The following DPP10 variants were observed in gnomAD, a reference collection of about 807,000 sequenced individuals.
The protein encoded by DPP10 is dipeptidyl peptidase like 10, also known as inactive dipeptidyl peptidase 10.
DPP10 carries 33 observed loss-of-function variants against 120.9 expected under a neutral mutation model. The ratio of observed to expected loss-of-function variants is 0.27; its 90% CI spans 0.21 to 0.37. The LOEUF is 0.37. Among genes scored for constraint, DPP10 ranks in the 10% least tolerant of loss-of-function variants. DPP10 has a pLI of 1.00. For synonymous variants in DPP10, 337 were observed against 326.1 expected (o/e 1.03, Z -0.36); for missense variants, 816 against 942.8 (o/e 0.87, Z 1.76).
chr2:114,858,139 G>A (rs1156412477), intron 1 of DPP10, among the ~76,000 whole-genome samples: 1 of 151,970 alleles, frequency 6.6e-6, no homozygotes, highest in Admixed American at 6.6e-5. Flanking sequence ...ACAGATGCAC[G>A]CCGCCACACT....
intron 1 of DPP10, among the ~76,000 whole-genome samples, chr2:115,078,126 G>A (rs1464127264): frequency 6.6e-6 from 1 of 152,052 alleles, no homozygotes; most frequent in African/African-American, 2.4e-5. Flanking sequence ...CATAAGCATG[G>A]CACGCTAATG....
At position 114,497,050 on chromosome 2, in the gene DPP10, CACAT is replaced by C. The variant is rs1174861256; in HGVS notation, c.60+54218_60+54221del. The stretch of plus-strand genomic sequence containing the variant: ...GTGTATATATACATATATATGCATA[CACAT>C]ACATATATACATACACATATACATA... On this transcript the variant is annotated intron_variant, in intron 1 of 25. Coordinates refer to ENST00000410059, the MANE Select transcript of DPP10 (RefSeq NM_020868.6). 5.3e-5 allele frequency among the ~76,000 whole-genome samples: 8 copies of C among 150,196 alleles called. No individual in the cohort carries two copies. The East Asian group carries it at 1.2e-3, about 22-fold the overall frequency.
chr2:115,626,039 A>T (rs1469898224), intron 5 of DPP10, among the ~76,000 whole-genome samples: 2 of 145,522 alleles, frequency 1.4e-5, no homozygotes, highest in Non-Finnish European at 3.0e-5. Context: ...GGCCAAAAAG[A>T]AAAAAAAAAA....
chr2:115,788,888 G>A (rs1249732424), intron 17 of DPP10, among the ~76,000 whole-genome samples: 7 of 152,076 alleles, frequency 4.6e-5, no homozygotes, highest in East Asian at 1.9e-4. Context: ...AGGCCGAGGC[G>A]GGTGGAGATC....
intron 5 of DPP10, among the ~76,000 whole-genome samples, chr2:115,593,749 A>G (rs891358390): frequency 7.2e-5 from 11 of 152,180 alleles, no homozygotes; most frequent in African/African-American, 2.4e-4. Flanking sequence ...CCCATTTTTT[A>G]CCAAAGACAA....
chr2:114,469,433 A>G (rs1679714393), intron 1 of DPP10, among the ~76,000 whole-genome samples: 1 of 152,100 alleles, frequency 6.6e-6, no homozygotes, highest in Non-Finnish European at 1.5e-5. Flanking sequence ...TTTTTAAAAA[A>G]TATATATATA....
chr2:115,777,949 C>A, intron 15 of DPP10, 115 bp downstream of exon 15: 1 of 1,009,478 alleles, frequency 9.9e-7, no homozygotes, highest in South Asian at 1.6e-5. Context: ...CTAGGAAGAG[C>A]CAACTTTGCT....
rs118062712 is a variant in DPP10, at chr2:115,213,027, C to T, written c.61-96212C>T. Among the ~76,000 whole-genome samples the T allele has an allele frequency of 7.2e-5, 11 of 152,178 alleles. No homozygotes were observed. In the East Asian group the frequency reaches 1.5e-3, roughly 21 times the overall value. ...GCCCATTAATATTGAATTTTCATCA[C>T]GCTGTTATTCTTTACGTGAGTTCTT... On this transcript the variant is annotated intron_variant, in intron 1 of 25. Coordinates refer to ENST00000410059, the MANE Select transcript of DPP10 (RefSeq NM_020868.6).
intron 1 of DPP10, chr2:115,161,817 CGCCCCTCCGCT>C: frequency 2.5e-6 from 2 of 815,514 alleles, no homozygotes; most frequent in Non-Finnish European, 3.4e-6. Flanking sequence ...TTCCCCTCCC[CGCCCCTCCGCT>C]CCCCCCACCC....
At chr2:114,755,638 A>C (rs1679656876) in intron 1 of DPP10, among the ~76,000 whole-genome samples, 1 of 152,196 alleles carries the variant, frequency 6.6e-6, no homozygotes, top group Admixed American at 6.5e-5. Context: ...TTCTACTGTG[A>C]TAGAATCTGA....
At chr2:115,093,543 C>G (rs1279444781) in intron 1 of DPP10, among the ~76,000 whole-genome samples, 1 of 151,890 alleles carries the variant, frequency 6.6e-6, no homozygotes, top group Non-Finnish European at 1.5e-5. Flanking sequence ...AATCTGGAGA[C>G]ATAATAATAA....
intron 1 of DPP10, among the ~76,000 whole-genome samples, chr2:114,790,899 T>A (rs1036767508): frequency 2.0e-5 from 3 of 152,204 alleles, no homozygotes; most frequent in African/African-American, 2.4e-5. Context: ...ATGCGATGGC[T>A]TGGCTTGGGC....
intron 1 of DPP10, among the ~76,000 whole-genome samples, chr2:115,160,886 C>T (rs1305302401): frequency 6.6e-6 from 1 of 152,110 alleles, no homozygotes; most frequent in Non-Finnish European, 1.5e-5. Context: ...GTTTCTCTCC[C>T]CTGCGACCCT....
intron 1 of DPP10, among the ~76,000 whole-genome samples, chr2:115,279,909 A>G (rs888920938): frequency 6.6e-6 from 1 of 151,686 alleles, no homozygotes; most frequent in African/African-American, 2.4e-5. Context: ...TGATCCACCC[A>G]CTTTGGCCTC....
intron 1 of DPP10, among the ~76,000 whole-genome samples, chr2:114,993,857 A>T (rs1239783840): frequency 1.3e-5 from 2 of 152,042 alleles, no homozygotes; most frequent in African/African-American, 4.8e-5. Context: ...CACTATTATA[A>T]TTGAAGTCCA....
At chr2:115,339,672 T>C (rs1260477098) in intron 2 of DPP10, among the ~76,000 whole-genome samples, 1 of 152,176 alleles carries the variant, frequency 6.6e-6, no homozygotes, top group Non-Finnish European at 1.5e-5. Flanking sequence ...TGAATGGATC[T>C]CAAGGGAATT....
chr2:115,215,333 T>C (rs2056756448), intron 1 of DPP10, among the ~76,000 whole-genome samples: 1 of 152,152 alleles, frequency 6.6e-6, no homozygotes, highest in African/African-American at 2.4e-5. Flanking sequence ...ATTTGACCAA[T>C]ATGATTAACA....
chr2:114,493,150 A>C (rs961060408), intron 1 of DPP10, among the ~76,000 whole-genome samples: 6 of 152,214 alleles, frequency 3.9e-5, no homozygotes, highest in African/African-American at 1.4e-4. Flanking sequence ...CAAATACAGG[A>C]ATGCACAGTG....
intron 3 of DPP10, among the ~76,000 whole-genome samples, chr2:115,349,724 GA>G (rs2063903352): frequency 6.6e-6 from 1 of 152,056 alleles, no homozygotes; most frequent in African/African-American, 2.4e-5. Context: ...CTGTAAATAG[GA>G]AAACTAAACA....
Sources: gnomAD v4.1 joint callset for allele counts (sites outside exome capture counted in the v4.1 genomes callset) on GRCh38, gnomAD v4.1.1 for gene constraint, MANE v1.5 for transcripts, NCBI Gene and HGNC (gene_info 2026-07-23, HGNC 2026-07-21) for gene names.